CDH4: variants seen among roughly 807,000 people sequenced by gnomAD.
The protein encoded by CDH4 is cadherin-4.
Under a neutral mutation model 86.0 loss-of-function variants are expected in CDH4, and 33 were observed. The observed-to-expected ratio is 0.38, with a 90% CI of 0.29 to 0.51. CDH4 has a LOEUF of 0.51. Among genes scored for constraint, CDH4 ranks in the 20% least tolerant of loss-of-function variants. CDH4 has a pLI of 0.86. For synonymous variants in CDH4, 555 were observed against 549.4 expected (o/e 1.01, Z -0.14); for missense variants, 1,114 against 1,307.4 (o/e 0.85, Z 2.28).
chr20:61,413,874 C>A (rs2085133196), intron 2 of CDH4, among the ~76,000 whole-genome samples: 1 of 152,158 alleles, frequency 6.6e-6, no homozygotes, highest in South Asian at 2.1e-4. Context: ...TGACAAAGAC[C>A]CACAGGCTGG....
At chr20:61,463,163 G>A (rs990562402) in intron 2 of CDH4, among the ~76,000 whole-genome samples, 1 of 152,096 alleles carries the variant, frequency 6.6e-6, no homozygotes, top group Non-Finnish European at 1.5e-5. Context: ...GTCTTCCTCC[G>A]TGATTGTGAG....
At chr20:61,817,502 T>A (rs1479745327) in intron 4 of CDH4, among the ~76,000 whole-genome samples, 1 of 152,130 alleles carries the variant, frequency 6.6e-6, no homozygotes, top group African/African-American at 2.4e-5. Flanking sequence ...CTCGCTTTTT[T>A]TTTTATTTTT....
At chr20:61,376,707 GT>G (rs2084874681) in intron 2 of CDH4, among the ~76,000 whole-genome samples, 1 of 152,204 alleles carries the variant, frequency 6.6e-6, no homozygotes, top group Non-Finnish European at 1.5e-5. Context: ...GGCTGCTCCC[GT>G]TTTTCCCATC....
intron 2 of CDH4, among the ~76,000 whole-genome samples, chr20:61,383,746 G>GAT (rs1251989820): frequency 1.4e-5 from 1 of 70,606 alleles, no homozygotes; most frequent in East Asian, 3.6e-4. Flanking sequence ...TATATATGAA[G>GAT]ATATATGCAT....
intron 2 of CDH4, among the ~76,000 whole-genome samples, chr20:61,538,491 T>G (rs2086014916): frequency 6.6e-6 from 1 of 152,134 alleles, no homozygotes; most frequent in Admixed American, 6.5e-5. Flanking sequence ...CATCCTTCCC[T>G]CCTCTCTCCT....
chr20:61,868,205 G>T (rs1568858195), intron 6 of CDH4, among the ~76,000 whole-genome samples: 1 of 152,214 alleles, frequency 6.6e-6, no homozygotes, highest in African/African-American at 2.4e-5. Flanking sequence ...GGTGCAGAGG[G>T]GGTTCGTCCA....
At chr20:61,840,229 A>G (rs11699299) in intron 4 of CDH4, among the ~76,000 whole-genome samples, 63,041 of 152,040 alleles carry the variant, frequency 0.41, 16,034 homozygotes, top group Non-Finnish European at 0.58. Flanking sequence ...GCTCTGGCTG[A>G]CAGGAGGCCC....
intron 2 of CDH4, among the ~76,000 whole-genome samples, chr20:61,724,231 C>T (rs189126876): frequency 6.6e-6 from 1 of 152,246 alleles, no homozygotes; most frequent in Non-Finnish European, 1.5e-5. Flanking sequence ...TGGGTGGACC[C>T]AGCGGGCTCC....
Position 61,807,579 on chromosome 20 carries a change from G to C in CDH4, c.576+34397G>C, listed in dbSNP as rs1352841962. On this transcript the variant is annotated intron_variant, in intron 4 of 15. Coordinates refer to ENST00000614565, the MANE Select transcript of CDH4 (RefSeq NM_001794.5). The surrounding 1 kb of genome is among the most constrained non-coding windows in gnomAD (Gnocchi z 4.5). ...ATCAGCGAGGGGAGTGTGACCAAGG[G>C]CAGGTGTTCCGTGCAGGGCTGGTTG... Among the ~76,000 whole-genome samples, 1 of 152,202 alleles carries C rather than the reference G, an allele frequency of 6.6e-6. No homozygotes were observed. The highest frequency in any genetic ancestry group is 1.5e-5 in the Non-Finnish European group (1 of 68,034).
chr20:61,425,446 G>A (rs533348377), intron 2 of CDH4, among the ~76,000 whole-genome samples: 2 of 152,228 alleles, frequency 1.3e-5, no homozygotes, highest in Non-Finnish European at 2.9e-5. Flanking sequence ...TGTCTGAAAG[G>A]GGGGCTGGGG....
At chr20:61,869,426 T>C (rs1983699359) in intron 6 of CDH4, among the ~76,000 whole-genome samples, 1 of 152,230 alleles carries the variant, frequency 6.6e-6, no homozygotes, top group Non-Finnish European at 1.5e-5. Context: ...ACATACATAC[T>C]GTCCAGCCCT....
chr20:61,479,095 C>T (rs532852131), intron 2 of CDH4, among the ~76,000 whole-genome samples: 1 of 152,018 alleles, frequency 6.6e-6, no homozygotes, highest in African/African-American at 2.4e-5. Context: ...TCTGTTGTGG[C>T]TCTTATCTTT....
chr20:61,720,009 C>T (rs12479798), intron 2 of CDH4, among the ~76,000 whole-genome samples: 12,307 of 152,136 alleles, frequency 0.081, 624 homozygotes, highest in East Asian at 0.21. Flanking sequence ...GGTGAGCGGG[C>T]GTCTTCCTTC....
At chr20:61,751,687 T>C (rs1002460188) in intron 3 of CDH4, among the ~76,000 whole-genome samples, 2 of 152,210 alleles carry the variant, frequency 1.3e-5, no homozygotes, top group African/African-American at 4.8e-5. Context: ...TTTAAAGGGT[T>C]ATGTAAGTAC....
intron 2 of CDH4, among the ~76,000 whole-genome samples, chr20:61,704,742 A>G (rs2087811643): frequency 1.3e-5 from 2 of 152,152 alleles, no homozygotes; most frequent in South Asian, 2.1e-4. Context: ...GAGTCTTGGC[A>G]TGGTCATCAT....
At chr20:61,498,862 G>A (rs936777864) in intron 2 of CDH4, among the ~76,000 whole-genome samples, 3 of 152,210 alleles carry the variant, frequency 2.0e-5, no homozygotes, top group African/African-American at 7.2e-5. Context: ...AGGACCTCAG[G>A]TGGGATGAGT....
rs73320322 is a variant in CDH4 at position 61,520,360 on chromosome 20, G to A, written c.170-223203G>A. Among the ~76,000 whole-genome samples the A allele has an allele frequency of 7.0e-3, 1,073 of 152,350 alleles. 16 individuals carry two copies. The highest frequency in any genetic ancestry group is 0.024 in the African/African-American group (1,013 of 41,584). ...CCAGGCTCCAGAACCACACCCTTGG[G>A]TTGAAATGCCACATCCATCCCTTGA... is the stretch of plus-strand genomic sequence containing the variant. On this transcript the variant is annotated intron_variant, in intron 2 of 15. Transcript: ENST00000614565.
rs1300307888 is a variant in CDH4, at chr20:61,719,057, C to T, written c.170-24506C>T. The T allele has an allele frequency of 2.1e-5, 10 of 471,028 alleles. No homozygotes were observed. In the East Asian group the frequency reaches 2.8e-4, roughly 13 times the overall value. The allele number at this position is 471,028 out of a possible 1,614,324, so 29.2% of individuals were successfully genotyped here. A position where few individuals can be genotyped will look rare whatever the true frequency, so the allele number is the denominator to read the frequency against. On this transcript the variant is annotated intron_variant, in intron 2 of 15. Transcript: ENST00000614565. ...GAGAAGGACCCTCCCTGGCCACACT[C>T]GTGCTAATAGGAAGTGCTGGCGAAA...
chr20:61,275,969 AGGC>A (rs2084229263), intron 2 of CDH4, among the ~76,000 whole-genome samples: 1 of 152,162 alleles, frequency 6.6e-6, no homozygotes. Flanking sequence ...GATTTTGATA[AGGC>A]TGGCCGCCTG....
Sources: allele counts gnomAD v4.1 joint callset (sites outside exome capture counted in the v4.1 genomes callset), GRCh38; gene constraint gnomAD v4.1.1; non-coding constraint Gnocchi (gnomAD v3.1); transcripts MANE v1.5; gene names NCBI Gene and HGNC (gene_info 2026-07-23, HGNC 2026-07-21).